Variants in EYS observed in about 807,000 individuals in gnomAD.
The protein encoded by EYS is protein eyes shut homolog.
A neutral mutation model predicts 282.1 loss-of-function variants in EYS; 250 were observed. The ratio of observed to expected loss-of-function variants is 0.89; its 90% CI spans 0.80 to 0.98. The LOEUF is 0.98. Among genes scored for constraint, EYS ranks in the 50% least tolerant of loss-of-function variants. EYS has a pLI of 0.00. For missense variants in EYS, 4,016 were observed against 3,709.0 expected, an observed-to-expected ratio of 1.08 and a Z score of -2.15; for synonymous variants, 1,355 against 1,282.9, an observed-to-expected ratio of 1.06 and a Z score of -1.20.
chr6:64,030,446 T>C (rs1010158210), intron 33 of EYS, among the ~76,000 whole-genome samples: 1 of 152,210 alleles, frequency 6.6e-6, no homozygotes, highest in Non-Finnish European at 1.5e-5. Context: ...AATAGACTCT[T>C]TGGCAGCAGT....
chr6:64,163,724 T>TA (rs1371230460), intron 31 of EYS, among the ~76,000 whole-genome samples: 8 of 152,218 alleles, frequency 5.3e-5, no homozygotes, highest in East Asian at 1.9e-4. Flanking sequence ...AGGATTTTTT[T>TA]AAAAAAATTT....
At chr6:65,336,462 T>C (rs942359930) in intron 10 of EYS, among the ~76,000 whole-genome samples, 1 of 151,692 alleles carries the variant, frequency 6.6e-6, no homozygotes, top group African/African-American at 2.4e-5. Flanking sequence ...TATGTATATA[T>C]ATGTATTGAA....
At chr6:64,000,167 ACTTTTTTTTTT>A (rs2149803113) in intron 33 of EYS, among the ~76,000 whole-genome samples, 1 of 43,540 alleles carries the variant, frequency 2.3e-5, no homozygotes. Flanking sequence ...AAGACATGGG[ACTTTTTTTTTT>A]TTTTTTTTTT....
rs141177656 is a variant in EYS, at chr6:65,339,811, A to G, written c.1599+4227T>C. 7.8e-4 allele frequency among the ~76,000 whole-genome samples: 118 copies of G among 151,396 alleles called. 1 individual carries two copies. Among genetic ancestry groups the G allele is most frequent in the Middle Eastern group, 6.8e-3 (2 of 294 alleles). ...TCTTTGATGTTTACATTTCAGAGAC[A>G]TGGTTCCAAGGTCCTTGATACAGAC... On this transcript the variant is annotated intron_variant, in intron 10 of 42. Coordinates refer to ENST00000503581, the MANE Select transcript of EYS (RefSeq NM_001142800.2).
intron 22 of EYS, among the ~76,000 whole-genome samples, chr6:64,760,511 A>T (rs1397158046): frequency 6.6e-6 from 1 of 152,108 alleles, no homozygotes; most frequent in Non-Finnish European, 1.5e-5. Context: ...GTGAGTCCGA[A>T]GAAGTCTGCT....
intron 35 of EYS, among the ~76,000 whole-genome samples, chr6:63,875,891 T>C (rs1336940900): frequency 6.6e-6 from 1 of 152,180 alleles, no homozygotes. Flanking sequence ...GCTAGCGGTC[T>C]ATCAATTTTG....
intron 2 of EYS, among the ~76,000 whole-genome samples, chr6:65,534,777 G>A (rs115645064): frequency 9.9e-5 from 15 of 152,166 alleles, no homozygotes; most frequent in African/African-American, 3.4e-4. Context: ...TCCACTGCCT[G>A]CCTTTAAGTC....
intron 2 of EYS, among the ~76,000 whole-genome samples, chr6:65,601,990 C>A (rs1765631791): frequency 6.6e-6 from 1 of 151,818 alleles, no homozygotes; most frequent in African/African-American, 2.4e-5. Context: ...ATTGTTACAG[C>A]CTATGTAACA....
chr6:65,427,008 A>C (rs1582276596), intron 5 of EYS, among the ~76,000 whole-genome samples: 1 of 151,990 alleles, frequency 6.6e-6, no homozygotes, highest in African/African-American at 2.4e-5. Flanking sequence ...TGTGTGTTGT[A>C]TATCTGTATG....
intron 37 of EYS, among the ~76,000 whole-genome samples, chr6:63,789,753 G>A (rs1185097698): frequency 6.6e-6 from 1 of 152,160 alleles, no homozygotes; most frequent in Non-Finnish European, 1.5e-5. Context: ...GATTGTTTCT[G>A]TGTTCCCTCT....
At chr6:65,647,180 G>A (rs373117381) in intron 1 of EYS, among the ~76,000 whole-genome samples, 13 of 151,948 alleles carry the variant, frequency 8.6e-5, no homozygotes, top group East Asian at 1.9e-4. Context: ...AAATTTATAC[G>A]GAACTAAAAC....
chr6:64,505,773 AC>A (rs1289965345), intron 26 of EYS, among the ~76,000 whole-genome samples: 2 of 152,208 alleles, frequency 1.3e-5, no homozygotes, highest in Non-Finnish European at 2.9e-5. Flanking sequence ...TAATCTATGG[AC>A]AATTCAGTCT....
intron 26 of EYS, among the ~76,000 whole-genome samples, chr6:64,522,360 C>A (rs1401781160): frequency 6.6e-6 from 1 of 151,686 alleles, no homozygotes; most frequent in African/African-American, 2.4e-5. Flanking sequence ...AAGTTCTTAC[C>A]ACCTCTAACT....
intron 13 of EYS, among the ~76,000 whole-genome samples, chr6:65,033,689 C>T (rs572718512): frequency 1.3e-5 from 2 of 152,156 alleles, no homozygotes; most frequent in Non-Finnish European, 2.9e-5. Flanking sequence ...TATGAGAAAG[C>T]CTGGGTGCTC....
At chr6:64,391,957 A>C (rs1773166998) in intron 28 of EYS, among the ~76,000 whole-genome samples, 2 of 151,856 alleles carry the variant, frequency 1.3e-5, no homozygotes, top group Non-Finnish European at 2.9e-5. Flanking sequence ...GAAAACAAAA[A>C]AAGGCAGGGG....
intron 35 of EYS, among the ~76,000 whole-genome samples, chr6:63,912,801 C>T (rs1266228648): frequency 2.1e-5 from 3 of 145,942 alleles, no homozygotes; most frequent in South Asian, 2.2e-4. Context: ...CCGACTTGCT[C>T]CTACTCCCCC....
At chr6:65,017,558 G>T (rs188021895) in intron 13 of EYS, among the ~76,000 whole-genome samples, 1 of 152,300 alleles carries the variant, frequency 6.6e-6, no homozygotes, top group Admixed American at 6.5e-5. Flanking sequence ...AGCCCCGCCA[G>T]TATCAGCTAA....
chr6:64,344,959 AG>A (rs1771313685), intron 29 of EYS, among the ~76,000 whole-genome samples: 1 of 152,122 alleles, frequency 6.6e-6, no homozygotes, highest in South Asian at 2.1e-4. Context: ...ATTGCTTCAA[AG>A]AGAATAAAAT....
At chr6:65,131,278 C>A (rs768181661) in intron 12 of EYS, among the ~76,000 whole-genome samples, 3 of 151,786 alleles carry the variant, frequency 2.0e-5, no homozygotes, top group Non-Finnish European at 2.9e-5. Context: ...AATATACATT[C>A]TTCTTATTGC....
Sources: allele counts gnomAD v4.1 joint callset (sites outside exome capture counted in the v4.1 genomes callset), GRCh38; gene constraint gnomAD v4.1.1; transcripts MANE v1.5; gene names NCBI Gene and HGNC (gene_info 2026-07-23, HGNC 2026-07-21).